Variants in RIMS1 observed in about 807,000 individuals in gnomAD.
The protein encoded by RIMS1 is regulating synaptic membrane exocytosis protein 1.
A neutral mutation model predicts 214.1 loss-of-function variants in RIMS1; 83 were observed. That is an observed-to-expected ratio of 0.39 (90% CI 0.32 to 0.47). The LOEUF is 0.47. Ranked by LOEUF, RIMS1 falls within the 20% of genes least tolerant of loss-of-function variation. The pLI is 0.99. For missense variants in RIMS1, 2,050 were observed against 2,161.8 expected (o/e 0.95, Z 1.03); for synonymous variants, 793 against 786.8 (o/e 1.01, Z -0.13).
chr6:71,893,316 C>G (rs1485783926), intron 1 of RIMS1, among the ~76,000 whole-genome samples: 5 of 145,632 alleles, frequency 3.4e-5, no homozygotes, highest in Admixed American at 6.9e-5. Context: ...TCTTTCTTTT[C>G]TTTTTTTTTT....
At position 72,362,695 on chromosome 6, in the gene RIMS1, A is replaced by G. The variant is rs192589588; in HGVS notation, c.4367-27903A>G. ...TATCTTTTGACTAAATTAAAAATAA[A>G]TAGGTAGAACTCTTGTCAAAATTTT... On this transcript the variant is annotated intron_variant, in intron 29 of 33. Transcript: ENST00000521978. 1.7e-3 allele frequency among the ~76,000 whole-genome samples: 253 copies of G among 152,128 alleles called. 2 individuals are homozygous for G. The highest frequency in any genetic ancestry group is 6.8e-3 in the Middle Eastern group (2 of 294).
At chr6:71,924,736 G>C (rs183077825) in intron 1 of RIMS1, among the ~76,000 whole-genome samples, 2 of 147,662 alleles carry the variant, frequency 1.4e-5, no homozygotes, top group Non-Finnish European at 3.0e-5. Context: ...TAGCCCAGGA[G>C]GAGGAGGTTG....
At chr6:72,271,875 A>G (rs2083567907) in intron 22 of RIMS1, among the ~76,000 whole-genome samples, 2 of 152,192 alleles carry the variant, frequency 1.3e-5, no homozygotes, top group African/African-American at 4.8e-5. Context: ...AAAAAGCCTC[A>G]CTGTATTTCC....
At chr6:72,183,436 T>C (rs2048634280) in intron 6 of RIMS1, among the ~76,000 whole-genome samples, 1 of 152,154 alleles carries the variant, frequency 6.6e-6, no homozygotes, top group Admixed American at 6.5e-5. Flanking sequence ...ATTTTTAAGA[T>C]ATTATTTTAG....
At chr6:72,239,824 G>T (rs1325431515) in intron 9 of RIMS1, among the ~76,000 whole-genome samples, 1 of 152,034 alleles carries the variant, frequency 6.6e-6, no homozygotes, top group Non-Finnish European at 1.5e-5. Context: ...CAGGATGTTG[G>T]TCCACCTGTA....
chr6:71,905,208 A>G (rs1243801821), intron 1 of RIMS1, among the ~76,000 whole-genome samples: 1 of 152,200 alleles, frequency 6.6e-6, no homozygotes. Context: ...ATAGAGCGGT[A>G]CATTTTAGAA....
chr6:72,286,479 T>G (rs989019191), intron 24 of RIMS1, among the ~76,000 whole-genome samples: 5 of 152,206 alleles, frequency 3.3e-5, no homozygotes, highest in African/African-American at 1.2e-4. Context: ...ATCATATTCA[T>G]AGTACTCTTG....
At chr6:72,058,976 A>G (rs1032916224) in intron 2 of RIMS1, among the ~76,000 whole-genome samples, 3 of 152,194 alleles carry the variant, frequency 2.0e-5, no homozygotes, top group East Asian at 3.8e-4. Flanking sequence ...TTAAAGTACT[A>G]CAACAGAGCT....
chr6:72,012,121 A>C (rs923741943), intron 2 of RIMS1, among the ~76,000 whole-genome samples: 2 of 152,248 alleles, frequency 1.3e-5, no homozygotes, highest in African/African-American at 2.4e-5. Context: ...AAAATGTGGC[A>C]CATATACACC....
intron 2 of RIMS1, among the ~76,000 whole-genome samples, chr6:71,974,441 C>T (rs563482304): frequency 6.6e-6 from 1 of 152,196 alleles, no homozygotes; most frequent in South Asian, 2.1e-4. Flanking sequence ...ACTTTTAATA[C>T]TGCGTTTTAT....
intron 29 of RIMS1, among the ~76,000 whole-genome samples, chr6:72,377,884 C>A (rs536497150): frequency 2.0e-5 from 3 of 152,092 alleles, no homozygotes; most frequent in African/African-American, 4.8e-5. Flanking sequence ...TTCATATGAA[C>A]GATATTAATG....
intron 1 of RIMS1, among the ~76,000 whole-genome samples, chr6:71,898,676 G>A (rs931220825): frequency 1.3e-5 from 2 of 152,148 alleles, no homozygotes; most frequent in African/African-American, 2.4e-5. Context: ...TCTGAACATA[G>A]TGCTCCAGGC....
At chr6:71,941,342 T>C (rs997752531) in intron 1 of RIMS1, among the ~76,000 whole-genome samples, 3 of 152,222 alleles carry the variant, frequency 2.0e-5, no homozygotes, top group African/African-American at 7.2e-5. Context: ...TTGCTAGTTA[T>C]ACACATTTGT....
intron 2 of RIMS1, among the ~76,000 whole-genome samples, chr6:72,087,674 TTGAC>T (rs1226424995): frequency 1.3e-5 from 2 of 152,242 alleles, no homozygotes; most frequent in East Asian, 3.8e-4. Flanking sequence ...TGCTTTTACT[TTGAC>T]TGGACCACTT....
intron 29 of RIMS1, chr6:72,365,853 A>G (rs1241926843): frequency 2.0e-5 from 3 of 152,234 alleles, no homozygotes; most frequent in Admixed American, 6.5e-5. Flanking sequence ...TTCCATGAAC[A>G]TGATGTTATA....
chr6:71,945,472 A>C (rs1787501182), intron 1 of RIMS1, among the ~76,000 whole-genome samples: 1 of 152,170 alleles, frequency 6.6e-6, no homozygotes, highest in African/African-American at 2.4e-5. Flanking sequence ...TTCTATTGAC[A>C]GTACAAATAA....
chr6:72,311,712 A>G (rs2154292964), intron 27 of RIMS1, among the ~76,000 whole-genome samples: 1 of 152,268 alleles, frequency 6.6e-6, no homozygotes, highest in East Asian at 1.9e-4. Flanking sequence ...GAGGTAAAGA[A>G]ATAAAAATCA....
At chr6:72,319,093 A>G (rs1381284353) in intron 28 of RIMS1, among the ~76,000 whole-genome samples, 1 of 152,128 alleles carries the variant, frequency 6.6e-6, no homozygotes, top group African/African-American at 2.4e-5. Context: ...AAGAAAAAAC[A>G]TGTAGGTGTG....
At chr6:72,305,742 C>T (rs1380678738) in intron 26 of RIMS1, among the ~76,000 whole-genome samples, 1 of 152,034 alleles carries the variant, frequency 6.6e-6, no homozygotes, top group Non-Finnish European at 1.5e-5. Context: ...CTCCATTGAA[C>T]TATCCTGTAA....
Sources: allele counts gnomAD v4.1 joint callset (sites outside exome capture counted in the v4.1 genomes callset), GRCh38; gene constraint gnomAD v4.1.1; transcripts MANE v1.5; gene names NCBI Gene and HGNC (gene_info 2026-07-23, HGNC 2026-07-21).